The following LPP variants were observed in gnomAD, a reference collection of about 807,000 sequenced individuals.
LPP encodes LIM domain containing preferred translocation partner in lipoma.
In LPP, 38 loss-of-function variants were observed where a neutral mutation model predicts 60.4. That is an observed-to-expected ratio of 0.63 (90% CI 0.49 to 0.83). LPP has a LOEUF of 0.83. Among genes scored for constraint, LPP ranks in the 40% least tolerant of loss-of-function variants. The pLI is 0.00. For synonymous variants in LPP, 328 were observed against 290.8 expected (o/e 1.13, Z -1.30); for missense variants, 902 against 783.6 (o/e 1.15, Z -1.80).
chr3:188,234,588 A>C (rs4449306), intron 2 of LPP, among the ~76,000 whole-genome samples: 76,763 of 152,004 alleles, frequency 0.51, 19,964 homozygotes, highest in Middle Eastern at 0.64. Flanking sequence ...ATTAAGTTTT[A>C]GAAGCTGATT....
intron 6 of LPP, among the ~76,000 whole-genome samples, chr3:188,604,578 C>G (rs1842049750): frequency 6.6e-6 from 1 of 152,014 alleles, no homozygotes; most frequent in Non-Finnish European, 1.5e-5. Context: ...TAATTAGGCA[C>G]ACATTACATA....
chr3:188,338,650 C>T (rs1442416342), intron 2 of LPP, among the ~76,000 whole-genome samples: 1 of 152,166 alleles, frequency 6.6e-6, no homozygotes, highest in African/African-American at 2.4e-5. Context: ...CAATATGATT[C>T]CCCCTATTCG....
At chr3:188,631,869 A>T (rs532357514) in intron 7 of LPP, among the ~76,000 whole-genome samples, 27 of 152,210 alleles carry the variant, frequency 1.8e-4, no homozygotes, top group African/African-American at 6.5e-4. Context: ...CACTCAGCTA[A>T]ATGTCTCCCT....
intron 9 of LPP, among the ~76,000 whole-genome samples, chr3:188,847,353 G>A (rs1215485482): frequency 6.6e-6 from 1 of 152,206 alleles, no homozygotes; most frequent in Non-Finnish European, 1.5e-5. Flanking sequence ...GGATGGATTT[G>A]CTGATTGTTT....
At chr3:188,357,787 T>A (rs1189457877) in intron 3 of LPP, among the ~76,000 whole-genome samples, 1 of 152,192 alleles carries the variant, frequency 6.6e-6, no homozygotes, top group African/African-American at 2.4e-5. Context: ...GGGTATGACA[T>A]GAGAATAAAC....
chr3:188,707,326 T>C (rs1865671391), intron 7 of LPP, among the ~76,000 whole-genome samples: 1 of 152,170 alleles, frequency 6.6e-6, no homozygotes, highest in South Asian at 2.1e-4. Flanking sequence ...CCAGTGGCCC[T>C]GCATGTCCCA....
chr3:188,579,382 AAT>A (rs757064752), intron 6 of LPP, among the ~76,000 whole-genome samples: 25 of 152,234 alleles, frequency 1.6e-4, no homozygotes, highest in Non-Finnish European at 3.4e-4. Context: ...CTGGAAAAGT[AAT>A]GTGTCCTCTT....
At chr3:188,438,354 T>TTCTC (rs374408127) in intron 4 of LPP, among the ~76,000 whole-genome samples, 2 of 138,010 alleles carry the variant, frequency 1.4e-5, no homozygotes, top group Non-Finnish European at 3.1e-5. Flanking sequence ...TTCCATGCAT[T>TTCTC]ACACACACAC....
intron 8 of LPP, among the ~76,000 whole-genome samples, chr3:188,717,602 TCTAA>T (rs761525442): frequency 5.3e-5 from 8 of 152,206 alleles, no homozygotes; most frequent in Non-Finnish European, 1.0e-4. Flanking sequence ...TTTGTTTCTC[TCTAA>T]CTTTTTGTTT....
chr3:188,511,155 C>T (rs1368312415), intron 5 of LPP, among the ~76,000 whole-genome samples: 1 of 126,088 alleles, frequency 7.9e-6, no homozygotes, highest in African/African-American at 3.0e-5. Flanking sequence ...CTACCTGCCT[C>T]CCTCCCTCCC....
In LPP at chr3:188,822,132, C is replaced by A. The variant is rs1300358106; in HGVS notation, c.1411-44068C>A. 2.6e-5 allele frequency among the ~76,000 whole-genome samples: 4 copies of A among 152,220 alleles called. No individual in the cohort carries two copies. In the East Asian group the frequency reaches 7.7e-4, roughly 29 times the overall value. On this transcript the variant is annotated intron_variant, in intron 9 of 11. Transcript: ENST00000617246. ...CATGGGACCTTGGCACCGAAAGGGT[C>A]TCTACTAGCTAAGTTGTCTTGGAAA...
At chr3:188,289,239 C>T (rs1745131500) in intron 2 of LPP, among the ~76,000 whole-genome samples, 1 of 152,114 alleles carries the variant, frequency 6.6e-6, no homozygotes, top group Non-Finnish European at 1.5e-5. Flanking sequence ...GTGCTGGCCA[C>T]TGTGTGTTTT....
chr3:188,356,956 A>G (rs1447404337), intron 3 of LPP, among the ~76,000 whole-genome samples: 1 of 152,210 alleles, frequency 6.6e-6, no homozygotes, highest in Non-Finnish European at 1.5e-5. Context: ...CATTCTGGGG[A>G]GGTGGGTGAA....
chr3:188,832,651 A>G (rs562723241), intron 9 of LPP, among the ~76,000 whole-genome samples: 1 of 152,192 alleles, frequency 6.6e-6, no homozygotes, highest in Non-Finnish European at 1.5e-5. Context: ...CCTCCCACCC[A>G]ATAAAAGAGT....
intron 7 of LPP, among the ~76,000 whole-genome samples, chr3:188,623,266 T>TTC: frequency 6.6e-6 from 1 of 150,940 alleles, no homozygotes; most frequent in East Asian, 2.0e-4. Flanking sequence ...TACTTTTTTT[T>TTC]TTTTTTTTTG....
At chr3:188,746,672 T>C (rs1726324200) in intron 8 of LPP, 1 of 397,552 alleles carries the variant, frequency 2.5e-6, no homozygotes, top group African/African-American at 2.1e-5. Context: ...ACATGGTTTC[T>C]GGGAGCTCCC....
intron 9 of LPP, among the ~76,000 whole-genome samples, chr3:188,787,563 T>C (rs1484227253): frequency 6.6e-6 from 1 of 152,150 alleles, no homozygotes; most frequent in African/African-American, 2.4e-5. Flanking sequence ...CTCTTTGATG[T>C]TTAATACACT....
At position 188,193,746 on chromosome 3, in the gene LPP, C is replaced by CT. The variant is rs565377158; in HGVS notation, c.-189-31648dup. Among the ~76,000 whole-genome samples, 1,007 of 145,966 alleles carry CT rather than the reference C, an allele frequency of 6.9e-3. 12 individuals carry two copies. Among genetic ancestry groups the CT allele is most frequent in the South Asian group, 0.044 (202 of 4,604 alleles). ...GTTGAGAAATAGCAAGTAGAAGGTT[C>CT]TTTTTTTTTTTCTGCTAGTAGGATA... On this transcript the variant is annotated intron_variant, in intron 1 of 11. Transcript: ENST00000617246.
intron 1 of LPP, among the ~76,000 whole-genome samples, chr3:188,185,079 C>T (rs1726188221): frequency 6.6e-6 from 1 of 152,166 alleles, no homozygotes; most frequent in Non-Finnish European, 1.5e-5. Context: ...GGCATATCTT[C>T]TATCTCTGTT....
Sources: gnomAD v4.1 joint callset for allele counts (sites outside exome capture counted in the v4.1 genomes callset) on GRCh38, gnomAD v4.1.1 for gene constraint, MANE v1.5 for transcripts, NCBI Gene and HGNC (gene_info 2026-07-23, HGNC 2026-07-21) for gene names.